PHC3: variants seen among roughly 807,000 people sequenced by gnomAD.
The protein encoded by PHC3 is polyhomeotic-like protein 3.
A neutral mutation model predicts 107.4 loss-of-function variants in PHC3; 13 were observed. The ratio of observed to expected loss-of-function variants is 0.12; its 90% confidence interval spans 0.08 to 0.19. PHC3 has a LOEUF of 0.19. Among genes scored for constraint, PHC3 ranks in the 10% least tolerant of loss-of-function variants. The pLI is 1.00. For missense variants in PHC3, 992 were observed against 1,210.9 expected (o/e 0.82, Z 2.68); for synonymous variants, 456 against 427.4 (o/e 1.07, Z -0.83).
At chr3:170,119,036 TAA>T (rs1002478959) in intron 9 of PHC3, among the ~76,000 whole-genome samples, 11 of 72,638 alleles carry the variant, frequency 1.5e-4, no homozygotes, top group African/African-American at 1.9e-4. Flanking sequence ...TATAAAAAGC[TAA>T]AAAAAAAAAA....
Position 170,095,092 on chromosome 3 carries a change from G to A in PHC3, c.*2138C>T, listed in dbSNP as rs1236574606. 1 of 151,968 alleles carries A rather than the reference G, an allele frequency of 6.6e-6. No individual in the cohort carries two copies. The highest frequency in any genetic ancestry group is 1.5e-5 in the Non-Finnish European group (1 of 67,998). 9.4% of individuals were successfully genotyped at this position (151,968 alleles called of 1,614,324 possible). A position where few individuals can be genotyped will look rare whatever the true frequency, so the allele number is the denominator to read the frequency against. ...GTTGCACCTCTCTCTCTCATACTGT[G>A]GGCCATCTCTTACTAATGCTTAGCC... is the stretch of plus-strand genomic sequence containing the variant. On this transcript the variant is annotated 3_prime_UTR_variant, in exon 15 of 15. Coordinates refer to ENST00000495893, the MANE Select transcript of PHC3 (RefSeq NM_024947.4).
In PHC3 at chr3:170,113,434, T is replaced by C; in HGVS notation, c.2279A>G (p.Gln760Arg). 6.2e-7 allele frequency: 1 copy of C among 1,613,530 alleles called. No homozygotes were observed. Among genetic ancestry groups the C allele is most frequent in the Non-Finnish European group, 8.5e-7 (1 of 1,179,652 alleles). Residue 760 changes from glutamine to arginine, a missense_variant, in exon 11 of 15, where the codon CAG becomes CGG. Physicochemically the swap from Gln to Arg is conservative, Grantham distance 43. Transcript: ENST00000495893. ...DNQVINSVCV[Q>R]PELQNNTKHA... ...TTTTGTATTATTCTGTAGCTCTGGC[T>C]GAACACACACTGAATTTATCACCTG...
In PHC3 at chr3:170,090,949, CT is replaced by C. The variant is rs1234066836; in HGVS notation, c.*6280del. On this transcript the variant is annotated 3_prime_UTR_variant, in exon 15 of 15. Coordinates refer to ENST00000495893, the MANE Select transcript of PHC3 (RefSeq NM_024947.4). ...AAAAAATACTTTTAAGAGAAGCATT[CT>C]AAATAAAGATTTAAACACTAGACAC... The C allele has an allele frequency of 7.2e-5, 11 of 152,150 alleles. No individual in the cohort carries two copies. The highest frequency in any genetic ancestry group is 1.2e-4 in the Non-Finnish European group (8 of 68,008). 9.4% of individuals were successfully genotyped at this position (152,150 alleles called of 1,614,324 possible). A position where few individuals can be genotyped will look rare whatever the true frequency, so the allele number is the denominator to read the frequency against.
At position 170,096,932 on chromosome 3, in the gene PHC3, C is replaced by A; in HGVS notation, c.*298G>T. On this transcript the variant is annotated 3_prime_UTR_variant, in exon 15 of 15. Coordinates refer to ENST00000495893, the MANE Select transcript of PHC3 (RefSeq NM_024947.4). Reference sequence around the variant, plus strand: ...TCTTTATATTAATGATAAACATCACCTTTAAAAAAATTATCTAGTATAACA... The same window carrying A: ...TCTTTATATTAATGATAAACATCACATTTAAAAAAATTATCTAGTATAACA... 1 of 213,490 alleles carries A rather than the reference C, an allele frequency of 4.7e-6. No individual in the cohort carries two copies. Among genetic ancestry groups the A allele is most frequent in the Non-Finnish European group, 9.2e-6 (1 of 109,138 alleles). 13.2% of individuals were successfully genotyped at this position (213,490 alleles called of 1,614,324 possible). A position where few individuals can be genotyped will look rare whatever the true frequency, so the allele number is the denominator to read the frequency against.
intron 1 of PHC3, 39 bp from the exon 2 acceptor site, chr3:170,178,977 T>G: frequency 6.5e-7 from 1 of 1,538,402 alleles, no homozygotes; most frequent in Non-Finnish European, 8.9e-7. Flanking sequence ...GGTAAAAGCA[T>G]TATCTTATGA....
chr3:170,181,269 G>A (rs1178172906), intron 1 of PHC3, among the ~76,000 whole-genome samples: 17 of 152,174 alleles, frequency 1.1e-4, no homozygotes. Flanking sequence ...GCGGGAAGGA[G>A]AAGAAGGCGA....
chr3:170,145,196 GACCA>G (rs1337689888), intron 6 of PHC3, among the ~76,000 whole-genome samples: 7 of 152,138 alleles, frequency 4.6e-5, no homozygotes, highest in Admixed American at 3.9e-4. Context: ...CATTAACCTT[GACCA>G]ACCAATGTCA....
At chr3:170,129,611 C>A in intron 7 of PHC3, 59 bp from the exon 8 acceptor site, 1 of 1,457,864 alleles carries the variant, frequency 6.9e-7, no homozygotes, top group South Asian at 1.3e-5. Context: ...ATTTTTAAAT[C>A]ACTCTAAAGG....
In PHC3 at chr3:170,126,504, G is replaced by GTATATATATA. The variant is rs1174515889; in HGVS notation, c.1788+2170_1788+2179dup. ...GTTTTCAAAGTATTATGCTCCATAT[G>GTATATATATA]TATATATATATATATATATATATAT... is the stretch of plus-strand genomic sequence containing the variant. On this transcript the variant is annotated intron_variant, in intron 8 of 14. Coordinates refer to ENST00000495893, the MANE Select transcript of PHC3 (RefSeq NM_024947.4). Among the ~76,000 whole-genome samples, 15 of 117,314 alleles carry GTATATATATA rather than the reference G, an allele frequency of 1.3e-4. 2 individuals carry two copies. The highest frequency in any genetic ancestry group is 5.5e-4 in the South Asian group (2 of 3,620). 77.0% of individuals were successfully genotyped at this position (117,314 alleles called of 152,430 possible). A position where few individuals can be genotyped will look rare whatever the true frequency, so the allele number is the denominator to read the frequency against.
chr3:170,135,867 G>C (rs1722989791), intron 7 of PHC3, among the ~76,000 whole-genome samples: 1 of 152,086 alleles, frequency 6.6e-6, no homozygotes, highest in Non-Finnish European at 1.5e-5. Context: ...AGATTATCTG[G>C]ATAAAGTAAA....
rs536626110 is a variant in PHC3 at position 170,145,539 on chromosome 3, CA to C, written c.574-19del. On this transcript the variant is annotated intron_variant, in intron 5 of 14. Coordinates refer to ENST00000495893, the MANE Select transcript of PHC3 (RefSeq NM_024947.4). The stretch of plus-strand genomic sequence containing the variant: ...AAAATCAGCTGTACAGACAGAAAAC[CA>C]AAAAAATACCCTAAGACAAAAGAAC... The C allele has an allele frequency of 1.7e-5, 26 of 1,569,428 alleles. No individual in the cohort carries two copies. The East Asian group carries it at 1.8e-4, about 11-fold the overall frequency.
intron 14 of PHC3, among the ~76,000 whole-genome samples, chr3:170,100,078 A>G (rs143471025): frequency 0.016 from 2,450 of 152,328 alleles, 31 homozygotes; most frequent in Non-Finnish European, 0.025. Flanking sequence ...TCTACTGCAT[A>G]CAAGCTCTAA....
intron 11 of PHC3, among the ~76,000 whole-genome samples, chr3:170,110,601 C>G (rs1576995174): frequency 1.3e-5 from 2 of 152,258 alleles, no homozygotes; most frequent in East Asian, 3.9e-4. Context: ...TCTGTAGCTC[C>G]TTCGTTACCT....
intron 10 of PHC3, among the ~76,000 whole-genome samples, chr3:170,116,631 T>A (rs1027953025): frequency 6.6e-6 from 1 of 151,758 alleles, no homozygotes; most frequent in African/African-American, 2.4e-5. Context: ...TTCAGTTCCC[T>A]TAAAAAGAAA....
chr3:170,158,784 A>C (rs1435373276), intron 4 of PHC3, among the ~76,000 whole-genome samples: 1 of 151,776 alleles, frequency 6.6e-6, no homozygotes, highest in Non-Finnish European at 1.5e-5. Flanking sequence ...AAAATTAGTC[A>C]GGTGTGGTGG....
At chr3:170,148,535 C>G (rs557968847) in intron 5 of PHC3, 1 of 152,232 alleles carries the variant, frequency 6.6e-6, no homozygotes, top group African/African-American at 2.4e-5. Context: ...AAAATGAACA[C>G]AAGAACACAA....
intron 7 of PHC3, among the ~76,000 whole-genome samples, chr3:170,130,735 C>A (rs934788768): frequency 3.3e-5 from 5 of 152,050 alleles, no homozygotes; most frequent in Non-Finnish European, 7.4e-5. Flanking sequence ...TGGTAGGGAG[C>A]CCCCCATCAT....
At chr3:170,121,949 C>T (rs1428900041) in intron 9 of PHC3, among the ~76,000 whole-genome samples, 1 of 152,074 alleles carries the variant, frequency 6.6e-6, no homozygotes, top group East Asian at 1.9e-4. Flanking sequence ...ATTGAGCTTC[C>T]CTGCTATTAA....
chr3:170,089,951 A>T lies in PHC3; in HGVS notation c.*7279T>A, dbSNP rs1190807163. Reference sequence around the variant, plus strand: ...AAAGAAAAAAAAAAAAAAAGAAAGAAAGTTGCTCACTGTCAATACTGGGTA... The same window carrying T: ...AAAGAAAAAAAAAAAAAAAGAAAGATAGTTGCTCACTGTCAATACTGGGTA... On this transcript the variant is annotated 3_prime_UTR_variant, in exon 15 of 15. Coordinates refer to ENST00000495893, the MANE Select transcript of PHC3 (RefSeq NM_024947.4). 1 of 151,634 alleles carries T rather than the reference A, an allele frequency of 6.6e-6. No homozygotes were observed. Among genetic ancestry groups the T allele is most frequent in the Non-Finnish European group, 1.5e-5 (1 of 67,970 alleles). 9.4% of individuals were successfully genotyped at this position (151,634 alleles called of 1,614,324 possible). A position where few individuals can be genotyped will look rare whatever the true frequency, so the allele number is the denominator to read the frequency against.
Sources: gnomAD v4.1 joint callset for allele counts (sites outside exome capture counted in the v4.1 genomes callset) on GRCh38, gnomAD v4.1.1 for gene constraint, MANE v1.5 for transcripts, NCBI Gene and HGNC (gene_info 2026-07-23, HGNC 2026-07-21) for gene names.